Variants in BTG4 observed in about 807,000 individuals in gnomAD.
The protein encoded by BTG4 is protein BTG4.
BTG4 carries 10 observed loss-of-function variants against 19.3 expected under a neutral mutation model. That is an observed-to-expected ratio of 0.52 (90% CI 0.32 to 0.88). BTG4 has a LOEUF of 0.88. BTG4 is among the 40% of genes least tolerant of loss of function. BTG4 has a pLI of 0.04. For missense variants in BTG4, 238 were observed against 281.9 expected, an observed-to-expected ratio of 0.84 and a Z score of 1.11; for synonymous variants, 91 against 95.7, an observed-to-expected ratio of 0.95 and a Z score of 0.29.
At chr11:111,481,594 T>G (rs2135575587) in intron 5 of BTG4, among the ~76,000 whole-genome samples, 1 of 151,952 alleles carries the variant, frequency 6.6e-6, no homozygotes, top group East Asian at 1.9e-4. Context: ...GCAAATAAAT[T>G]TCAGCAATAT....
At chr11:111,455,894 G>C in the BTG4 span, 2 of 438,416 alleles carry the variant, frequency 4.6e-6, no homozygotes, top group South Asian at 1.6e-5. Context: ...CTTTGCTTGG[G>C]CCTCAGCCAG....
At chr11:111,496,921 T>C in intron 4 of BTG4, 1 of 373,350 alleles carries the variant, frequency 2.7e-6, no homozygotes, top group Non-Finnish European at 4.8e-6. Flanking sequence ...TCTTAATCTT[T>C]GATTCTGTAG....
chr11:111,514,633 G>A (rs1867147008), upstream of BTG4: 4 of 627,718 alleles, frequency 6.4e-6, no homozygotes, highest in Non-Finnish European at 1.1e-5. Context: ...GGCTTCCGAC[G>A]GCCCCCACGC....
chr11:111,401,053 T>TAAAAAAAAA, the BTG4 span: 6 of 82,154 alleles, frequency 7.3e-5, no homozygotes, highest in African/African-American at 1.7e-4. Flanking sequence ...ACCTGGAGCA[T>TAAAAAAAAA]AAAAAAAAAA....
the BTG4 span, among the ~76,000 whole-genome samples, chr11:111,387,802 G>T: frequency 6.6e-6 from 1 of 152,142 alleles, no homozygotes; most frequent in African/African-American, 2.4e-5. Flanking sequence ...GGAGCTTGGG[G>T]GAAAAATAGT....
the BTG4 span, chr11:111,451,428 G>A: frequency 4.4e-6 from 2 of 452,598 alleles, no homozygotes; most frequent in South Asian, 3.1e-5. Flanking sequence ...ACGATAATTT[G>A]CCTCATTTAA....
the BTG4 span, among the ~76,000 whole-genome samples, chr11:111,432,684 A>G: frequency 1.3e-5 from 2 of 152,164 alleles, no homozygotes; most frequent in Non-Finnish European, 2.9e-5. Flanking sequence ...GAGAGAAACT[A>G]GCAGGTCAAA....
the BTG4 span, among the ~76,000 whole-genome samples, chr11:111,440,681 T>A: frequency 6.6e-6 from 1 of 152,152 alleles, no homozygotes; most frequent in Non-Finnish European, 1.5e-5. Context: ...CACAGATAGC[T>A]TTAGATGGGA....
At chr11:111,453,681 A>G in the BTG4 span, 1 of 362,390 alleles carries the variant, frequency 2.8e-6, no homozygotes, top group Non-Finnish European at 5.5e-6. Flanking sequence ...TCAATTCTCA[A>G]TTCCTCTTCA....
chr11:111,498,661 A>G lies in BTG4; in HGVS notation c.116T>C (p.Phe39Ser), dbSNP rs1865883077. Residue 39 changes from phenylalanine to serine, a missense_variant, in exon 2 of 5, where the codon TTT becomes TCT. Physicochemically the swap from Phe to Ser is radical, Grantham distance 155. Coordinates refer to ENST00000692032, the MANE Select transcript of BTG4 (RefSeq NM_001367975.1). ...DFAEKLMTILFETYRSHWHSD... is the reference protein window; with the variant it reads ...DFAEKLMTILSETYRSHWHSD... ...GTGCCAGTGACTTCTGTATGTTTCA[A>G]ACAAGATCGTCATCAGCTTTTCTGC... The G allele has an allele frequency of 6.2e-7, 1 of 1,613,952 alleles. No homozygotes were observed. The highest frequency in any genetic ancestry group is 8.5e-7 in the Non-Finnish European group (1 of 1,179,986).
chr11:111,430,438 A>T, the BTG4 span, among the ~76,000 whole-genome samples: 11 of 152,224 alleles, frequency 7.2e-5, no homozygotes, highest in African/African-American at 2.7e-4. Flanking sequence ...CAGAGGAAGT[A>T]ATCAGATATG....
At chr11:111,420,932 T>C in the BTG4 span, among the ~76,000 whole-genome samples, 1 of 152,320 alleles carries the variant, frequency 6.6e-6, no homozygotes, top group South Asian at 2.1e-4. Flanking sequence ...GAACACAATC[T>C]TGGAGGTCCC....
At chr11:111,464,014 T>C (rs974098847), downstream of BTG4, among the ~76,000 whole-genome samples, 2 of 152,202 alleles carry the variant, frequency 1.3e-5, no homozygotes, top group Admixed American at 1.3e-4. Flanking sequence ...CGTCTTTTTT[T>C]GAGATGGAGT....
chr11:111,400,746 C>A, the BTG4 span, among the ~76,000 whole-genome samples: 1 of 152,256 alleles, frequency 6.6e-6, no homozygotes, highest in East Asian at 1.9e-4. Context: ...CAGACACCAC[C>A]TTAACCAAGT....
chr11:111,426,913 C>T, the BTG4 span, among the ~76,000 whole-genome samples: 885 of 152,310 alleles, frequency 5.8e-3, 9 homozygotes, highest in Middle Eastern at 0.01. Context: ...GGGAGCTCAC[C>T]AGCGCCATCA....
At chr11:111,416,351 T>TCACA in the BTG4 span, 1 of 151,940 alleles carries the variant, frequency 6.6e-6, no homozygotes, top group African/African-American at 2.4e-5. Flanking sequence ...TCACTCTGGC[T>TCACA]CACACACACA....
chr11:111,398,020 ACTCTCACTTGTAGT>A, the BTG4 span: 1 of 151,970 alleles, frequency 6.6e-6, no homozygotes, highest in African/African-American at 2.4e-5. Flanking sequence ...CCTGTCTACC[ACTCTCACTTGTAGT>A]CTGTGGCTTG....
chr11:111,414,879 C>A, the BTG4 span: 1 of 152,258 alleles, frequency 6.6e-6, no homozygotes, highest in East Asian at 1.9e-4. Context: ...CTGGAGATAC[C>A]AACACCTTCC....
chr11:111,396,511 G>A, the BTG4 span, among the ~76,000 whole-genome samples: 1 of 152,184 alleles, frequency 6.6e-6, no homozygotes, highest in Non-Finnish European at 1.5e-5. Context: ...TTTGTCAAAA[G>A]CTAGTGTGCT....
Sources: gnomAD v4.1 joint callset for allele counts (sites outside exome capture counted in the v4.1 genomes callset) on GRCh38, gnomAD v4.1.1 for gene constraint, MANE v1.5 for transcripts, NCBI Gene and HGNC (gene_info 2026-07-23, HGNC 2026-07-21) for gene names.